PALS1: variants seen among roughly 807,000 people sequenced by gnomAD.
PALS1 encodes protein PALS1.
Under a neutral mutation model 78.9 loss-of-function variants are expected in PALS1, and 31 were observed. That is an observed-to-expected ratio of 0.39 (90% confidence interval 0.30 to 0.53). The LOEUF is 0.53. Ranked by LOEUF, PALS1 falls within the 20% of genes least tolerant of loss-of-function variation. The pLI is 0.67. For synonymous variants in PALS1, 276 were observed against 270.9 expected, an observed-to-expected ratio of 1.02 and a Z score of -0.18; for missense variants, 704 against 826.5, an observed-to-expected ratio of 0.85 and a Z score of 1.82.
chr14:67,285,269 G>GTA (rs1398619870), intron 3 of PALS1, among the ~76,000 whole-genome samples: 2 of 152,130 alleles, frequency 1.3e-5, no homozygotes, highest in Non-Finnish European at 2.9e-5. Context: ...TTAATGCTGG[G>GTA]TATAGGTCCC....
At chr14:67,252,594 T>C (rs948465436) in intron 1 of PALS1, among the ~76,000 whole-genome samples, 1 of 152,174 alleles carries the variant, frequency 6.6e-6, no homozygotes, top group Non-Finnish European at 1.5e-5. Flanking sequence ...CATTAGCTTG[T>C]GGGATCTGAT....
At position 67,301,957 on chromosome 14, in the gene PALS1, A is replaced by T. The variant is rs367581344; in HGVS notation, c.655-15A>T. On this transcript the variant is annotated splice_polypyrimidine_tract_variant and intron_variant, in intron 5 of 14. Coordinates refer to ENST00000261681, the MANE Select transcript of PALS1 (RefSeq NM_022474.4). The stretch of plus-strand genomic sequence containing the variant: ...CATGCTGTTACTTAAAATGCCATGG[A>T]TTTCTTTGAAACAGGCACTTTTACT... 1 of 1,582,254 alleles carries T rather than the reference A, an allele frequency of 6.3e-7. No homozygotes were observed.
Position 67,301,977 on chromosome 14 carries a change from T to C in PALS1, c.660T>C (p.Leu220=). 1 of 1,583,554 alleles carries C rather than the reference T, an allele frequency of 6.3e-7. No homozygotes were observed. The highest frequency in any genetic ancestry group is 8.6e-7 in the Non-Finnish European group (1 of 1,169,510). ...ALLNTPHIQA[L]LLAHDKVAEQ... ...CATGGATTTCTTTGAAACAGGCACT[T>C]TTACTGGCCCACGATAAGGTTGCTG... Residue 220 remains leucine (L), a synonymous_variant, in exon 6 of 15, where the codon CTT becomes CTC. Transcript: ENST00000261681.
rs2084790877 is a variant in PALS1, at chr14:67,292,651, ACAGTACACATGAACAAGGC to A, written c.513_531del (p.His172LeufsTer20). The A allele has an allele frequency of 6.2e-7, 1 of 1,613,656 alleles. No individual in the cohort carries two copies. The highest frequency in any genetic ancestry group is 8.5e-7 in the Non-Finnish European group (1 of 1,179,794). On this transcript the variant is annotated frameshift_variant, in exon 4 of 15. Coordinates refer to ENST00000261681, the MANE Select transcript of PALS1 (RefSeq NM_022474.4). LOFTEE classifies it high-confidence loss of function. ...TGCATTTAAGATACACAATGCCATC[ACAGTACACATGAACAAGGC>A]CAGTCCTCCATTTCCTCTTATCTCC... is the stretch of plus-strand genomic sequence containing the variant.
chr14:67,332,814 G>C lies in PALS1; in HGVS notation c.1886G>C (p.Arg629Thr). 1 of 1,613,514 alleles carries C rather than the reference G, an allele frequency of 6.2e-7. No individual in the cohort carries two copies. Residue 629 changes from arginine (R) to threonine (T), a missense_variant, in exon 15 of 15, where the codon AGA (arginine) becomes ACA (threonine). Coordinates refer to ENST00000261681, the MANE Select transcript of PALS1 (RefSeq NM_022474.4). ...EELREIIEKT[R>T]EMEQNNGHYF... ...TTGAGAGAAATCATTGAGAAGACAA[G>C]AGAGATGGAGCAGAACAATGGCCAC... is the stretch of plus-strand genomic sequence containing the variant.
chr14:67,301,330 C>A, intron 4 of PALS1, 59 bp from the exon 5 acceptor site: 1 of 1,043,816 alleles, frequency 9.6e-7, no homozygotes, highest in Non-Finnish European at 1.4e-6. Context: ...ACCCTGCATA[C>A]AGGTGCTACT....
chr14:67,321,284 G>T (rs753748239), intron 13 of PALS1, 25 bp downstream of exon 13: 11 of 1,610,358 alleles, frequency 6.8e-6, no homozygotes, highest in Middle Eastern at 1.7e-4. Flanking sequence ...TTGTTTTAGG[G>T]TTTGAACTTA....
intron 1 of PALS1, among the ~76,000 whole-genome samples, chr14:67,264,098 T>G (rs2084280148): frequency 6.6e-6 from 1 of 152,152 alleles, no homozygotes; most frequent in Non-Finnish European, 1.5e-5. Context: ...ATAAGGTTGG[T>G]GTAAGGATTA....
At chr14:67,332,596 G>A (rs553601914) in intron 14 of PALS1, among the ~76,000 whole-genome samples, 184 bp from the exon 15 acceptor site, 4 of 152,294 alleles carry the variant, frequency 2.6e-5, no homozygotes, top group Non-Finnish European at 4.4e-5. Flanking sequence ...AATATGAGTC[G>A]TGAAGATGCC....
At chr14:67,325,737 C>CT (rs998786013) in intron 14 of PALS1, among the ~76,000 whole-genome samples, 3 of 152,042 alleles carry the variant, frequency 2.0e-5, no homozygotes, top group African/African-American at 7.2e-5. Context: ...TTTAGGCTAT[C>CT]TTTTTTTCCA....
intron 3 of PALS1, among the ~76,000 whole-genome samples, chr14:67,288,849 G>A (rs899757799): frequency 2.0e-5 from 3 of 151,818 alleles, no homozygotes; most frequent in African/African-American, 7.3e-5. Context: ...TCTAATGACG[G>A]TTTTGACTTT....
intron 14 of PALS1, among the ~76,000 whole-genome samples, chr14:67,331,756 A>G (rs1029385480): frequency 5.3e-5 from 8 of 152,158 alleles, no homozygotes; most frequent in Non-Finnish European, 1.0e-4. Context: ...TTCAACTCCA[A>G]TACCACAAAG....
At chr14:67,261,450 AGT>A (rs1392445920) in intron 1 of PALS1, among the ~76,000 whole-genome samples, 2 of 152,218 alleles carry the variant, frequency 1.3e-5, no homozygotes, top group African/African-American at 4.8e-5. Context: ...GGGATATTAC[AGT>A]TACGATTTTG....
chr14:67,259,095 G>A (rs548275666), intron 1 of PALS1, among the ~76,000 whole-genome samples: 57 of 151,776 alleles, frequency 3.8e-4, no homozygotes, highest in African/African-American at 1.3e-3. Context: ...CGCCTGCCTC[G>A]GCTTCCCAAA....
chr14:67,297,539 A>G (rs1305948817), intron 4 of PALS1, among the ~76,000 whole-genome samples: 2 of 152,220 alleles, frequency 1.3e-5, no homozygotes, highest in South Asian at 2.1e-4. Context: ...AATTTTAAAC[A>G]GATTTATATA....
At chr14:67,248,074 G>A (rs1432361239) in intron 1 of PALS1, among the ~76,000 whole-genome samples, 1 of 152,124 alleles carries the variant, frequency 6.6e-6, no homozygotes, top group East Asian at 1.9e-4. Context: ...GTATTGAGAT[G>A]ATTGTGTGAA....
intron 13 of PALS1, 87 bp from the exon 14 acceptor site, chr14:67,323,615 A>T (rs8015015): frequency 0.097 from 25,227 of 259,970 alleles, 2,587 homozygotes; most frequent in East Asian, 0.33. Flanking sequence ...CCCTTAATCT[A>T]ATATATATAT....
intron 14 of PALS1, among the ~76,000 whole-genome samples, chr14:67,331,329 G>A (rs894183633): frequency 6.6e-6 from 1 of 152,196 alleles, no homozygotes; most frequent in Non-Finnish European, 1.5e-5. Context: ...ACAGGCGGGG[G>A]AGCCCCTGCG....
chr14:67,300,336 C>CTTTTTTTTTTTTTTTTT lies in PALS1; in HGVS notation c.577-1042_577-1041insTTTTTTTTTTTTTTTTT, dbSNP rs36091817. ...ACTGGGTTCCTGTATTATGAATTAC[C>CTTTTTTTTTTTTTTTTT]TTTTTTTTTTTGAGAAAGTCTCATT... On this transcript the variant is annotated intron_variant, in intron 4 of 14. Transcript: ENST00000261681. Among the ~76,000 whole-genome samples the CTTTTTTTTTTTTTTTTT allele has an allele frequency of 5.3e-3, 731 of 138,768 alleles. 35 individuals carry two copies. Among genetic ancestry groups the CTTTTTTTTTTTTTTTTT allele is most frequent in the African/African-American group, 0.015 (534 of 35,404 alleles). 91.0% of individuals were successfully genotyped at this position (138,768 alleles called of 152,430 possible).
Sources: gnomAD v4.1 joint callset for allele counts (sites outside exome capture counted in the v4.1 genomes callset) on GRCh38, gnomAD v4.1.1 for gene constraint, MANE v1.5 for transcripts, NCBI Gene and HGNC (gene_info 2026-07-23, HGNC 2026-07-21) for gene names.